GPC6: variants seen among roughly 807,000 people sequenced by gnomAD.
GPC6 encodes glypican 6.
Under a neutral mutation model 55.2 loss-of-function variants are expected in GPC6, and 14 were observed. The ratio of observed to expected loss-of-function variants is 0.25; its 90% CI spans 0.17 to 0.40. The LOEUF is 0.40. GPC6 is among the 10% of genes least tolerant of loss of function. GPC6 has a pLI of 1.00. For synonymous variants in GPC6, 278 were observed against 259.6 expected, an observed-to-expected ratio of 1.07 and a Z score of -0.68; for missense variants, 641 against 708.5, an observed-to-expected ratio of 0.90 and a Z score of 1.08.
chr13:94,258,730 GT>G (rs1232597262), intron 4 of GPC6, among the ~76,000 whole-genome samples: 3 of 152,120 alleles, frequency 2.0e-5, no homozygotes, highest in African/African-American at 7.2e-5. Flanking sequence ...GGCTGGTTTC[GT>G]TGCAATAATA....
intron 2 of GPC6, among the ~76,000 whole-genome samples, chr13:93,703,838 T>C (rs934629646): frequency 3.9e-5 from 6 of 152,006 alleles, no homozygotes; most frequent in Admixed American, 3.3e-4. Flanking sequence ...AGCAGCCAAC[T>C]GTTTAATATC....
chr13:93,841,273 G>A lies in GPC6; in HGVS notation c.711+10728G>A, dbSNP rs976251856. Among the ~76,000 whole-genome samples the A allele has an allele frequency of 2.6e-5, 4 of 152,100 alleles. No homozygotes were observed. In the East Asian group the frequency reaches 5.8e-4, roughly 22 times the overall value. ...CTTAATAGTGCTGACATAGTGAAGC[G>A]GGACTTATATAGGGAATACGACATC... On this transcript the variant is annotated intron_variant, in intron 3 of 8. Transcript: ENST00000377047.
At chr13:94,000,361 A>C (rs569158869) in intron 3 of GPC6, among the ~76,000 whole-genome samples, 102 of 152,322 alleles carry the variant, frequency 6.7e-4, no homozygotes, top group African/African-American at 2.3e-3. Flanking sequence ...TTATTATTCT[A>C]TATTACATTC....
At chr13:93,960,611 T>C (rs1178732001) in intron 3 of GPC6, among the ~76,000 whole-genome samples, 3 of 152,118 alleles carry the variant, frequency 2.0e-5, no homozygotes, top group African/African-American at 7.2e-5. Context: ...CTGCCACTCC[T>C]TGGGGGAGCA....
chr13:93,402,023 G>A (rs113797324), intron 1 of GPC6, among the ~76,000 whole-genome samples: 18 of 152,274 alleles, frequency 1.2e-4, no homozygotes, highest in African/African-American at 3.8e-4. Flanking sequence ...AATTGGACAA[G>A]AGAGTGAATC....
At chr13:94,251,713 C>CAAAAAAAAAAAAAAAAA (rs61543462) in intron 4 of GPC6, among the ~76,000 whole-genome samples, 1 of 131,144 alleles carries the variant, frequency 7.6e-6, no homozygotes. Context: ...AGCTAAAAGG[C>CAAAAAAAAAAAAAAAAA]AAAAAAAAAA....
intron 4 of GPC6, among the ~76,000 whole-genome samples, chr13:94,101,319 G>C (rs965484841): frequency 6.6e-6 from 1 of 151,848 alleles, no homozygotes; most frequent in Non-Finnish European, 1.5e-5. Context: ...ATTGTTCCAT[G>C]TTATCAACAG....
At chr13:93,988,982 A>G (rs991432829) in intron 3 of GPC6, among the ~76,000 whole-genome samples, 1 of 152,192 alleles carries the variant, frequency 6.6e-6, no homozygotes, top group Non-Finnish European at 1.5e-5. Flanking sequence ...TAATACATGT[A>G]TTATTTCAGT....
At chr13:93,272,522 C>T (rs1452940098) in intron 1 of GPC6, among the ~76,000 whole-genome samples, 3 of 111,920 alleles carry the variant, frequency 2.7e-5, no homozygotes, top group Non-Finnish European at 4.0e-5. Context: ...ATATATATAA[C>T]TTAGAAAATG....
intron 3 of GPC6, among the ~76,000 whole-genome samples, chr13:93,984,506 A>G (rs9516324): frequency 0.15 from 23,241 of 152,204 alleles, 2,137 homozygotes; most frequent in East Asian, 0.39. Flanking sequence ...TAAATTTTAC[A>G]GAAGCTTCTC....
intron 4 of GPC6, among the ~76,000 whole-genome samples, chr13:94,225,670 C>CACAT (rs143940827): frequency 2.7e-5 from 4 of 147,314 alleles, no homozygotes; most frequent in African/African-American, 1.0e-4. Flanking sequence ...AAAGTATACA[C>CACAT]ATATATATAT....
At chr13:93,454,541 C>CTT (rs1289578121) in intron 1 of GPC6, among the ~76,000 whole-genome samples, 2 of 151,074 alleles carry the variant, frequency 1.3e-5, no homozygotes, top group Admixed American at 1.3e-4. Context: ...TTCACAAACC[C>CTT]TGAGCTAGAC....
chr13:94,166,126 A>G (rs925721009), intron 4 of GPC6, among the ~76,000 whole-genome samples: 4 of 152,270 alleles, frequency 2.6e-5, no homozygotes, highest in Non-Finnish European at 5.9e-5. Flanking sequence ...TGGGATCCCT[A>G]CCTGACTCCT....
intron 1 of GPC6, among the ~76,000 whole-genome samples, chr13:93,295,732 T>C (rs1360404641): frequency 6.6e-6 from 1 of 151,910 alleles, no homozygotes; most frequent in East Asian, 1.9e-4. Flanking sequence ...CCGCCCACCT[T>C]GGGGCTCCTG....
intron 7 of GPC6, among the ~76,000 whole-genome samples, chr13:94,395,128 A>G (rs1007339624): frequency 6.6e-6 from 1 of 152,336 alleles, no homozygotes; most frequent in South Asian, 2.1e-4. Context: ...GTTTATTCCA[A>G]TAGGCTGTAA....
rs774146622 is a variant in GPC6, at chr13:94,306,138, A to G, written c.1152+15A>G. 1 of 1,613,658 alleles carries G rather than the reference A, an allele frequency of 6.2e-7. No individual in the cohort carries two copies. The highest frequency in any genetic ancestry group is 8.5e-7 in the Non-Finnish European group (1 of 1,179,514). On this transcript the variant is annotated intron_variant, in intron 6 of 8. Coordinates refer to ENST00000377047, the MANE Select transcript of GPC6 (RefSeq NM_005708.5). ...TGGACCGGCTGGTGAGTATTCACAG[A>G]TTGATAACCATGGCGGATGCTTTGT...
At position 94,370,070 on chromosome 13, in the gene GPC6, T is replaced by C. The variant is rs1278649069; in HGVS notation, c.1153-12344T>C. Reference sequence around the variant, plus strand: ...GGAGCCAAGAAGTACAGCTGTTCTTTAGCAAATGAGTAGCTGAAGATTAGA... The same window carrying C: ...GGAGCCAAGAAGTACAGCTGTTCTTCAGCAAATGAGTAGCTGAAGATTAGA... On this transcript the variant is annotated intron_variant, in intron 6 of 8. Transcript: ENST00000377047. Among the ~76,000 whole-genome samples, 4 of 152,252 alleles carry C rather than the reference T, an allele frequency of 2.6e-5. No homozygotes were observed. In the East Asian group the frequency reaches 7.7e-4, roughly 29 times the overall value.
At chr13:93,724,457 C>T (rs1418933421) in intron 2 of GPC6, among the ~76,000 whole-genome samples, 1 of 151,974 alleles carries the variant, frequency 6.6e-6, no homozygotes, top group East Asian at 1.9e-4. Flanking sequence ...TCGTGAGATT[C>T]TGTTTCAGGA....
At chr13:93,671,893 C>G (rs1307311915) in intron 2 of GPC6, among the ~76,000 whole-genome samples, 5 of 152,054 alleles carry the variant, frequency 3.3e-5, no homozygotes, top group Non-Finnish European at 7.4e-5. Context: ...GGCTGCATGG[C>G]ATGCTTTTCA....
Sources: allele counts gnomAD v4.1 joint callset (sites outside exome capture counted in the v4.1 genomes callset), GRCh38; gene constraint gnomAD v4.1.1; transcripts MANE v1.5; gene names NCBI Gene and HGNC (gene_info 2026-07-23, HGNC 2026-07-21).